ADAMTS10: variants seen among roughly 807,000 people sequenced by gnomAD.
The protein encoded by ADAMTS10 is A disintegrin and metalloproteinase with thrombospondin motifs 10.
A neutral mutation model predicts 135.9 loss-of-function variants in ADAMTS10; 48 were observed. That is an observed-to-expected ratio of 0.35 (90% CI 0.28 to 0.45). The LOEUF (loss-of-function observed/expected upper bound fraction) is 0.45, where lower values mean the gene tolerates loss of function less well. Ranked by LOEUF, ADAMTS10 falls within the 20% of genes least tolerant of loss-of-function variation. The probability of loss-of-function intolerance (pLI) is 1.00; values close to 1 mark genes in which losing one functional copy is unlikely to be tolerated. For missense variants in ADAMTS10, 1,131 were observed against 1,565.2 expected, an observed-to-expected ratio of 0.72 and a Z score of 4.68; for synonymous variants, 621 against 647.5, an observed-to-expected ratio of 0.96 and a Z score of 0.62.
chr19:8,585,760 G>A, intron 22 of ADAMTS10, 100 bp from the exon 23 acceptor site: 1 of 1,238,978 alleles, frequency 8.1e-7, no homozygotes, highest in Non-Finnish European at 1.1e-6. Context: ...CAATCACCCA[G>A]CCTCATATGG....
intron 6 of ADAMTS10, among the ~76,000 whole-genome samples, chr19:8,598,826 C>T (rs1038281726): frequency 4.6e-5 from 7 of 151,994 alleles, no homozygotes; most frequent in East Asian, 3.9e-4. Flanking sequence ...CCACCCGCCT[C>T]GGCCTCCCAA....
rs6603092 is a variant in ADAMTS10, at chr19:8,600,792, C to T, written c.810+136G>A. 5.3e-6 allele frequency: 6 copies of T among 1,131,190 alleles called. No individual in the cohort carries two copies. In the South Asian group the frequency reaches 6.5e-5, roughly 12 times the overall value. The allele number at this position is 1,131,190 out of a possible 1,614,324, so 70.1% of individuals were successfully genotyped here. A position where few individuals can be genotyped will look rare whatever the true frequency, so the allele number is the denominator to read the frequency against. On this transcript the variant is annotated intron_variant, in intron 6 of 25. Transcript: ENST00000597188. ...GGATTACAGGTGTGAGCCACCGCGC[C>T]CGGCCTGCAACCTTCCTTTCTACCC...
At chr19:8,592,659 G>A in intron 13 of ADAMTS10, 104 bp downstream of exon 13, 2 of 1,186,738 alleles carry the variant, frequency 1.7e-6, no homozygotes, top group Admixed American at 2.0e-5. Context: ...TGGCCAATGT[G>A]GGAGGGAGCA....
intron 13 of ADAMTS10, 130 bp downstream of exon 13, chr19:8,592,633 G>C: frequency 1.1e-6 from 1 of 947,436 alleles, no homozygotes; most frequent in South Asian, 1.5e-5. Context: ...AGCCGAGGGA[G>C]CACAAATGGC....
At chr19:8,598,306 C>G (rs1442050324) in intron 6 of ADAMTS10, among the ~76,000 whole-genome samples, 1 of 152,038 alleles carries the variant, frequency 6.6e-6, no homozygotes, top group African/African-American at 2.4e-5. Context: ...CTGCTTACCC[C>G]CCTGACTGCC....
rs573872170 is a variant in ADAMTS10 at position 8,592,869 on chromosome 19, T to A, written c.1481A>T (p.Glu494Val). 1.1e-5 allele frequency: 18 copies of A among 1,610,602 alleles called. No individual in the cohort carries two copies. In the South Asian group the frequency reaches 2.0e-4, roughly 18 times the overall value. Residue 494 changes from glutamate (E) to valine (V), a missense_variant and splice_region_variant, in exon 13 of 26, where the codon GAG becomes GTG. Physicochemically the swap from Glu to Val is moderately radical, Grantham distance 121. Around this residue, in one of 3 missense-constraint regions of ADAMTS10, gnomAD observed 745 missense variants for 1,056.3 expected, o/e 0.71. Coordinates refer to ENST00000597188, the MANE Select transcript of ADAMTS10 (RefSeq NM_030957.4). ...CAGACACCACAGCTCGCTGCAGACC[T>A]CCTGCGGGCCGAGGTGCCCGCTCAG... is the stretch of plus-strand genomic sequence containing the variant. ...GVKSRQCKYG[E>V]VCSELWCLSK...
rs200679441 is a variant in ADAMTS10, at chr19:8,589,561, G to A, written c.1925C>T (p.Thr642Met). 337 of 1,613,316 alleles carry A rather than the reference G, an allele frequency of 2.1e-4. No individual in the cohort carries two copies. The highest frequency in any genetic ancestry group is 2.7e-4 in the Non-Finnish European group (318 of 1,179,980). ...RGGGVKACSL[T>M]CLAEGFNFYT... ...GAAGTTGAAGCCTTCCGCTAGGCACGTGAGCGAGCAGGCCTTCACGCCCCC... is the reference window on the plus strand; with the variant it reads ...GAAGTTGAAGCCTTCCGCTAGGCACATGAGCGAGCAGGCCTTCACGCCCCC... The change falls in exon 17 of 26, where the codon ACG becomes ATG. Residue 642 changes from threonine (T) to methionine (M), a missense_variant. Around this residue, in one of 3 missense-constraint regions of ADAMTS10, gnomAD observed 745 missense variants for 1,056.3 expected, o/e 0.71. Transcript: ENST00000597188.
At chr19:8,584,770 C>T in intron 25 of ADAMTS10, 125 bp downstream of exon 25, 1 of 1,351,752 alleles carries the variant, frequency 7.4e-7, no homozygotes, top group Non-Finnish European at 1.0e-6. Flanking sequence ...GATGGCCTGG[C>T]AGAGACACAG....
chr19:8,601,137 G>C lies in ADAMTS10; in HGVS notation c.601C>G (p.Pro201Ala). 1 of 1,613,460 alleles carries C rather than the reference G, an allele frequency of 6.2e-7. No individual in the cohort carries two copies. Among genetic ancestry groups the C allele is most frequent in the Non-Finnish European group, 8.5e-7 (1 of 1,180,036 alleles). ...AGCCACCATGGCCGCCCTTTCCACGGTTTCTCATCTGGGGAACCCAGTAGA... is the reference window on the plus strand; with the variant it reads ...AGCCACCATGGCCGCCCTTTCCACGCTTTCTCATCTGGGGAACCCAGTAGA... ...DTACGVRDEK[P>A]WKGRPWWLRT... The change falls in exon 6 of 26, where the codon CCG becomes GCG. Residue 201 changes from proline to alanine, a missense_variant. By Grantham distance (27) the Pro-to-Ala change is conservative. Around this residue, in one of 3 missense-constraint regions of ADAMTS10, gnomAD observed 306 missense variants for 344.4 expected, o/e 0.89. Coordinates refer to ENST00000597188, the MANE Select transcript of ADAMTS10 (RefSeq NM_030957.4). The surrounding 1 kb of genome is among the most constrained non-coding windows in gnomAD (Gnocchi z 4.6).
intron 18 of ADAMTS10, among the ~76,000 whole-genome samples, 168 bp from the exon 19 acceptor site, chr19:8,587,064 T>G (rs1343963642): frequency 1.3e-5 from 2 of 152,232 alleles, no homozygotes; most frequent in African/African-American, 4.8e-5. Flanking sequence ...ATCCCCATTT[T>G]AGGGCTGACA....
At position 8,601,508 on chromosome 19, in the gene ADAMTS10, T is replaced by A. The variant is rs1317282676; in HGVS notation, c.593-363A>T. 1.3e-5 allele frequency among the ~76,000 whole-genome samples: 2 copies of A among 151,934 alleles called. No individual in the cohort carries two copies. The highest frequency in any genetic ancestry group is 2.9e-5 in the Non-Finnish European group (2 of 67,980). ...TCCCGAGTAGCTGGGATGACAGGCA[T>A]GTGCCACTATGCCTGGCTAATTTTT... On this transcript the variant is annotated intron_variant, in intron 5 of 25. Coordinates refer to ENST00000597188, the MANE Select transcript of ADAMTS10 (RefSeq NM_030957.4). This position sits in a 1 kb window ranked among gnomAD's most constrained non-coding sequence, Gnocchi z 4.6.
intron 25 of ADAMTS10, 128 bp from the exon 26 acceptor site, chr19:8,581,130 C>CTTTTTTTTTTTT (rs369050914): frequency 2.0e-4 from 29 of 147,314 alleles, no homozygotes; most frequent in Non-Finnish European, 2.2e-4. Context: ...TTTAAATTTA[C>CTTTTTTTTTTTT]TTTTTTTTTT....
intron 4 of ADAMTS10, 101 bp from the exon 5 acceptor site, chr19:8,603,985 G>T: frequency 4.0e-6 from 5 of 1,242,260 alleles, no homozygotes; most frequent in South Asian, 1.8e-5. Flanking sequence ...TTCTTATCAG[G>T]TTTATTTTGC....
chr19:8,592,305 C>G, intron 13 of ADAMTS10: 3 of 1,064,674 alleles, frequency 2.8e-6, no homozygotes, highest in Non-Finnish European at 4.0e-6. Flanking sequence ...GAGGCGTGGC[C>G]TGAGCACAGG....
intron 25 of ADAMTS10, chr19:8,582,682 T>C (rs2042369679): frequency 6.6e-6 from 1 of 151,752 alleles, no homozygotes; most frequent in African/African-American, 2.4e-5. Context: ...TTTTTTTTTT[T>C]TTGGTCGCCC....
intron 2 of ADAMTS10, among the ~76,000 whole-genome samples, chr19:8,607,725 G>A (rs139977635): frequency 3.2e-4 from 48 of 151,988 alleles, no homozygotes; most frequent in African/African-American, 1.0e-3. Flanking sequence ...CTCTAGTGAC[G>A]GGGAGCTCAC....
chr19:8,601,362 CTTTTTTT>C lies in ADAMTS10; in HGVS notation c.593-224_593-218del, dbSNP rs373213602. On this transcript the variant is annotated intron_variant, in intron 5 of 25. Transcript: ENST00000597188. This position sits in a 1 kb window ranked among gnomAD's most constrained non-coding sequence, Gnocchi z 4.6. ...CAAACACCTCATCGTTTTTCTTATT[CTTTTTTT>C]TTTTTTTTTTGAGACGGAGTATCAT... is the stretch of plus-strand genomic sequence containing the variant. Among the ~76,000 whole-genome samples, 2 of 136,866 alleles carry C rather than the reference CTTTTTTT, an allele frequency of 1.5e-5. No individual in the cohort carries two copies. Among genetic ancestry groups the C allele is most frequent in the South Asian group, 2.4e-4 (1 of 4,196 alleles). The allele number at this position is 136,866 out of a possible 152,430, so 89.8% of individuals were successfully genotyped here.
chr19:8,603,834 G>C lies in ADAMTS10; in HGVS notation c.486C>G (p.His162Gln). 1 of 1,614,024 alleles carries C rather than the reference G, an allele frequency of 6.2e-7. No individual in the cohort carries two copies. Among genetic ancestry groups the C allele is most frequent in the Non-Finnish European group, 8.5e-7 (1 of 1,179,994 alleles). ...GGCTCCGAGAACCCTTGGGCCCACCGTGCAGGGGCTCAATCAGGTACTCTT... is the reference window on the plus strand; with the variant it reads ...GGCTCCGAGAACCCTTGGGCCCACCCTGCAGGGGCTCAATCAGGTACTCTT... ...DEEEYLIEPL[H>Q]GGPKGSRSPE... Residue 162 changes from histidine (H) to glutamine (Q), a missense_variant, in exon 5 of 26, where the codon CAC becomes CAG. Around this residue, in one of 3 missense-constraint regions of ADAMTS10, gnomAD observed 306 missense variants for 344.4 expected, o/e 0.89. Coordinates refer to ENST00000597188, the MANE Select transcript of ADAMTS10 (RefSeq NM_030957.4).
Position 8,601,818 on chromosome 19 carries a change from T to C in ADAMTS10, c.593-673A>G, listed in dbSNP as rs975148728. Among the ~76,000 whole-genome samples, 2 of 152,182 alleles carry C rather than the reference T, an allele frequency of 1.3e-5. No homozygotes were observed. Among genetic ancestry groups the C allele is most frequent in the South Asian group, 4.1e-4 (2 of 4,828 alleles). On this transcript the variant is annotated intron_variant, in intron 5 of 25. Coordinates refer to ENST00000597188, the MANE Select transcript of ADAMTS10 (RefSeq NM_030957.4). This position sits in a 1 kb window ranked among gnomAD's most constrained non-coding sequence, Gnocchi z 4.6. ...GCCTGACTTCTCCCACTGTTGGTTG[T>C]ATGGCTGTTCCACTGCCTGTTTGCC...
Sources: allele counts gnomAD v4.1 joint callset (sites outside exome capture counted in the v4.1 genomes callset), GRCh38; gene constraint gnomAD v4.1.1; regional missense constraint gnomAD v4.1.1; non-coding constraint Gnocchi (gnomAD v3.1); transcripts MANE v1.5; gene names NCBI Gene and HGNC (gene_info 2026-07-23, HGNC 2026-07-21).